Variants in SSR1 observed in about 807,000 individuals in gnomAD.
The protein encoded by SSR1 is translocon-associated protein subunit alpha.
A neutral mutation model predicts 36.1 loss-of-function variants in SSR1; 13 were observed. The ratio of observed to expected loss-of-function variants is 0.36; its 90% CI spans 0.23 to 0.57. The LOEUF (loss-of-function observed/expected upper bound fraction) is 0.57, where lower values mean the gene tolerates loss of function less well. Ranked by LOEUF, SSR1 falls within the 20% of genes least tolerant of loss-of-function variation. The pLI is 0.81. For missense variants in SSR1, 291 were observed against 338.5 expected (o/e 0.86, Z 1.10); for synonymous variants, 113 against 118.9 (o/e 0.95, Z 0.32).
chr6:7,298,343 A>G (rs771213851), intron 5 of SSR1, among the ~76,000 whole-genome samples: 9 of 152,262 alleles, frequency 5.9e-5, no homozygotes, highest in South Asian at 2.1e-4. Flanking sequence ...TGAATTATAT[A>G]TAAGTTTAGA....
chr6:7,302,284 C>G (rs1056850285), intron 3 of SSR1, among the ~76,000 whole-genome samples: 10 of 152,342 alleles, frequency 6.6e-5, no homozygotes, highest in Non-Finnish European at 8.8e-5. Flanking sequence ...ATGGGGCCAA[C>G]AGATCTAGGT....
intron 1 of SSR1, among the ~76,000 whole-genome samples, chr6:7,312,187 G>A (rs968168193): frequency 6.6e-6 from 1 of 152,214 alleles, no homozygotes; most frequent in African/African-American, 2.4e-5. Flanking sequence ...ACCTGTGCAG[G>A]AAGTCAAGTT....
intron 6 of SSR1, among the ~76,000 whole-genome samples, chr6:7,296,108 G>A (rs1757789633): frequency 6.6e-6 from 1 of 152,020 alleles, no homozygotes; most frequent in African/African-American, 2.4e-5. Context: ...ATCTCATTAA[G>A]CTAACCACCT....
In SSR1 at chr6:7,313,139, T is replaced by G; in HGVS notation, c.-19A>C. ...GTCTCATGGCGCTGCCGGTCCAGTGTCCAGTTTCCGTCGGCTAAGGCTCTC... is the reference window on the plus strand; with the variant it reads ...GTCTCATGGCGCTGCCGGTCCAGTGGCCAGTTTCCGTCGGCTAAGGCTCTC... On this transcript the variant is annotated 5_prime_UTR_variant, in exon 1 of 8. Transcript: ENST00000244763. 6.3e-7 allele frequency: 1 copy of G among 1,594,704 alleles called. No homozygotes were observed. Among genetic ancestry groups the G allele is most frequent in the Non-Finnish European group, 8.5e-7 (1 of 1,170,444 alleles).
At chr6:7,298,594 T>C (rs1387134244) in intron 5 of SSR1, 153 bp downstream of exon 5, 1 of 581,164 alleles carries the variant, frequency 1.7e-6, no homozygotes, top group Non-Finnish European at 3.0e-6. Context: ...GTTATAAGAA[T>C]CATCTGAAGT....
chr6:7,311,288 A>G (rs1356020340), intron 1 of SSR1, among the ~76,000 whole-genome samples: 2 of 135,930 alleles, frequency 1.5e-5, no homozygotes, highest in Admixed American at 1.4e-4. Flanking sequence ...ATTTCAGGCA[A>G]GACCATAAAA....
At chr6:7,290,804 A>C (rs965175567) in intron 7 of SSR1, among the ~76,000 whole-genome samples, 2 of 152,156 alleles carry the variant, frequency 1.3e-5, no homozygotes, top group African/African-American at 4.8e-5. Context: ...TAAGCATTTC[A>C]TAAAATGGAA....
In SSR1 at chr6:7,313,037, C is replaced by T. The variant is rs773862801; in HGVS notation, c.79+5G>A. The T allele has an allele frequency of 6.2e-7, 1 of 1,600,032 alleles. No individual in the cohort carries two copies. The stretch of plus-strand genomic sequence containing the variant: ...CATCCCCTCCGCACACTCCCCCAGC[C>T]TCACCTCTGGGGCCGCCTCGGAACA... On this transcript the variant is annotated splice_donor_5th_base_variant and intron_variant, in intron 1 of 7. Transcript: ENST00000244763.
intron 7 of SSR1, among the ~76,000 whole-genome samples, chr6:7,290,494 T>G (rs747138699): frequency 2.6e-5 from 4 of 152,222 alleles, no homozygotes; most frequent in African/African-American, 7.2e-5. Context: ...GTAAGAGGTG[T>G]CATTTATAAG....
chr6:7,307,239 TAGAC>T (rs980787162), intron 2 of SSR1, among the ~76,000 whole-genome samples: 6 of 152,102 alleles, frequency 3.9e-5, no homozygotes, highest in Admixed American at 3.9e-4. Context: ...CCATCTTTCT[TAGAC>T]AGTCTACACA....
intron 7 of SSR1, 82 bp downstream of exon 7, chr6:7,295,310 G>GTTTTTTT: frequency 8.6e-7 from 1 of 1,160,094 alleles, no homozygotes; most frequent in Non-Finnish European, 1.2e-6. Flanking sequence ...TACTGAAAAA[G>GTTTTTTT]TTTTTTTTTT....
intron 1 of SSR1, 35 bp downstream of exon 1, chr6:7,313,007 C>T (rs1281287476): frequency 1.3e-6 from 2 of 1,568,824 alleles, no homozygotes; most frequent in Non-Finnish European, 1.7e-6. Context: ...CATCTCCTTC[C>T]TGGCCATCCC....
At position 7,295,487 on chromosome 6, in the gene SSR1, T is replaced by C. The variant is rs750102267; in HGVS notation, c.700-2A>G. ...TACTTTCTGTATGGGTCTCTTACGCTAAAAGAACATAAAGACATATTTTAA... is the reference window on the plus strand; with the variant it reads ...TACTTTCTGTATGGGTCTCTTACGCCAAAAGAACATAAAGACATATTTTAA... On this transcript the variant is annotated splice_acceptor_variant, in intron 6 of 7. Coordinates refer to ENST00000244763, the MANE Select transcript of SSR1 (RefSeq NM_003144.5). LOFTEE classifies it high-confidence loss of function. The C allele has an allele frequency of 1.3e-6, 2 of 1,577,148 alleles. No individual in the cohort carries two copies. Among genetic ancestry groups the C allele is most frequent in the Admixed American group, 1.8e-5 (1 of 54,562 alleles).
intron 4 of SSR1, among the ~76,000 whole-genome samples, chr6:7,300,287 A>C (rs1254612713): frequency 6.6e-6 from 1 of 152,194 alleles, no homozygotes; most frequent in African/African-American, 2.4e-5. Context: ...GAGAAAATAA[A>C]ATTTCCTCGT....
chr6:7,312,143 C>T, intron 1 of SSR1, among the ~76,000 whole-genome samples: 1 of 152,226 alleles, frequency 6.6e-6, no homozygotes, highest in Admixed American at 6.5e-5. Context: ...AATTATTTCA[C>T]TTTACAAATT....
intron 2 of SSR1, among the ~76,000 whole-genome samples, chr6:7,306,548 C>T (rs1758058168): frequency 6.6e-6 from 1 of 151,848 alleles, no homozygotes; most frequent in African/African-American, 2.4e-5. Flanking sequence ...ACAAAAAAAC[C>T]TTTCAGGAAT....
intron 1 of SSR1, 87 bp from the exon 2 acceptor site, chr6:7,310,116 T>C: frequency 1.1e-6 from 1 of 945,754 alleles, no homozygotes; most frequent in South Asian, 1.5e-5. Flanking sequence ...CAAAAAAAAC[T>C]TCCCTTGGAC....
At chr6:7,308,408 TAAGAA>T (rs1216965777) in intron 2 of SSR1, among the ~76,000 whole-genome samples, 1 of 151,910 alleles carries the variant, frequency 6.6e-6, no homozygotes, top group Non-Finnish European at 1.5e-5. Context: ...GATACTGAAA[TAAGAA>T]AATAGGGAAC....
At position 7,290,243 on chromosome 6, in the gene SSR1, C is replaced by T. The variant is rs540658751; in HGVS notation, c.794-312G>A. On this transcript the variant is annotated intron_variant, in intron 7 of 7. Coordinates refer to ENST00000244763, the MANE Select transcript of SSR1 (RefSeq NM_003144.5). Reference sequence around the variant, plus strand: ...ATTCTATAACTTAACCAAGTTTATACATGCATAAGTAAACGCTTAAAAACT... The same window carrying T: ...ATTCTATAACTTAACCAAGTTTATATATGCATAAGTAAACGCTTAAAAACT... 2.0e-5 allele frequency among the ~76,000 whole-genome samples: 3 copies of T among 152,352 alleles called. No homozygotes were observed. The South Asian group carries it at 6.2e-4, about 32-fold the overall frequency.
Sources: gnomAD v4.1 joint callset for allele counts (sites outside exome capture counted in the v4.1 genomes callset) on GRCh38, gnomAD v4.1.1 for gene constraint, MANE v1.5 for transcripts, NCBI Gene and HGNC (gene_info 2026-07-23, HGNC 2026-07-21) for gene names.